Variants in PTPRD observed in about 807,000 individuals in gnomAD.
PTPRD encodes the protein protein tyrosine phosphatase receptor type D, also known as receptor-type tyrosine-protein phosphatase delta.
PTPRD carries 34 observed loss-of-function variants against 214.5 expected under a neutral mutation model. The observed-to-expected ratio is 0.16, with a 90% confidence interval of 0.12 to 0.21. The LOEUF is 0.21. PTPRD is among the 10% of genes least tolerant of loss of function. PTPRD has a pLI of 1.00. For missense variants in PTPRD, 2,545 were observed against 2,398.7 expected (o/e 1.06, Z -1.27); for synonymous variants, 1,128 against 845.7 (o/e 1.33, Z -5.79).
chr9:10,216,219 AC>A (rs1305729362), intron 3 of PTPRD, among the ~76,000 whole-genome samples: 2 of 151,622 alleles, frequency 1.3e-5, no homozygotes, highest in Non-Finnish European at 2.9e-5. Flanking sequence ...GGTTTTTGGC[AC>A]CCCCTTAAGG....
chr9:9,852,893 G>T (rs1331818106), intron 5 of PTPRD, among the ~76,000 whole-genome samples: 1 of 152,086 alleles, frequency 6.6e-6, no homozygotes, highest in Non-Finnish European at 1.5e-5. Flanking sequence ...AGATCAAGTA[G>T]GGGCTCTTGA....
At chr9:9,952,655 A>G (rs1249867101) in intron 4 of PTPRD, among the ~76,000 whole-genome samples, 1 of 152,084 alleles carries the variant, frequency 6.6e-6, no homozygotes, top group Admixed American at 6.5e-5. Flanking sequence ...TCCCTTCCCT[A>G]AAGAGTCCTT....
chr9:9,785,381 T>G (rs2098914813), intron 5 of PTPRD, among the ~76,000 whole-genome samples: 2 of 152,018 alleles, frequency 1.3e-5, no homozygotes, highest in Non-Finnish European at 2.9e-5. Context: ...ACCTAGTACA[T>G]GCTACTTTCT....
rs149204356 is a variant in PTPRD, at chr9:8,667,287, C to T, written c.65-30443G>A. Among the ~76,000 whole-genome samples, 1,330 of 152,192 alleles carry T rather than the reference C, an allele frequency of 8.7e-3. 25 individuals are homozygous for T. The highest frequency in any genetic ancestry group is 0.031 in the African/African-American group (1,272 of 41,524). On this transcript the variant is annotated intron_variant, in intron 12 of 45. Transcript: ENST00000381196. Reference sequence around the variant, plus strand: ...ACGGGACGCAGAAGTTGCAGTGAGCCGAGATCATGCCATTGCACTCCAGCC... The same window carrying T: ...ACGGGACGCAGAAGTTGCAGTGAGCTGAGATCATGCCATTGCACTCCAGCC...
chr9:9,505,970 T>A (rs753380038), intron 8 of PTPRD, among the ~76,000 whole-genome samples: 1 of 151,346 alleles, frequency 6.6e-6, no homozygotes, highest in Non-Finnish European at 1.5e-5. Context: ...AAAAAATAAT[T>A]TGAGAGTAGA....
At chr9:10,167,984 G>T (rs931311192) in intron 3 of PTPRD, among the ~76,000 whole-genome samples, 2 of 152,212 alleles carry the variant, frequency 1.3e-5, no homozygotes, top group Non-Finnish European at 2.9e-5. Flanking sequence ...TATGGACAGA[G>T]CTCATTGTAC....
At chr9:9,514,358 T>C (rs1429967603) in intron 8 of PTPRD, among the ~76,000 whole-genome samples, 2 of 151,970 alleles carry the variant, frequency 1.3e-5, no homozygotes, top group African/African-American at 2.4e-5. Context: ...ATCTGGATAG[T>C]TATAGTGGTC....
chr9:9,942,240 T>TA (rs948161303), intron 4 of PTPRD, among the ~76,000 whole-genome samples: 13 of 152,110 alleles, frequency 8.5e-5, no homozygotes, highest in African/African-American at 2.4e-4. Context: ...CCACCTCCTT[T>TA]AAAAAAATTC....
chr9:8,500,332 G>A (rs141344840), intron 24 of PTPRD, among the ~76,000 whole-genome samples: 2 of 151,600 alleles, frequency 1.3e-5, no homozygotes, highest in East Asian at 3.9e-4. Context: ...AAAATTCAAT[G>A]TTGAGCATCA....
chr9:9,513,038 C>T lies in PTPRD; in HGVS notation c.-237+61694G>A, dbSNP rs570276419. Among the ~76,000 whole-genome samples, 11 of 151,950 alleles carry T rather than the reference C, an allele frequency of 7.2e-5. No individual in the cohort carries two copies. The East Asian group carries it at 1.6e-3, about 21-fold the overall frequency. On this transcript the variant is annotated intron_variant, in intron 8 of 45. Coordinates refer to ENST00000381196, the MANE Select transcript of PTPRD (RefSeq NM_002839.4). ...GATCTAGATGTGTTACTGGTTAACA[C>T]ATCTACTACTGGCCTGTAATTAGTG...
chr9:9,977,225 A>C (rs916333077), intron 4 of PTPRD, among the ~76,000 whole-genome samples: 5 of 152,184 alleles, frequency 3.3e-5, no homozygotes, highest in African/African-American at 1.2e-4. Flanking sequence ...GTACTATAAC[A>C]CACTGGGAGG....
intron 8 of PTPRD, among the ~76,000 whole-genome samples, chr9:9,558,612 G>A (rs538019833): frequency 7.9e-5 from 12 of 152,160 alleles, no homozygotes; most frequent in Non-Finnish European, 1.3e-4. Flanking sequence ...ATACATAAGC[G>A]TTGATAAACT....
At chr9:8,929,090 T>A (rs2098926046) in intron 11 of PTPRD, among the ~76,000 whole-genome samples, 1 of 152,134 alleles carries the variant, frequency 6.6e-6, no homozygotes, top group Non-Finnish European at 1.5e-5. Context: ...AATTTTGGGC[T>A]GAGACGATGG....
intron 9 of PTPRD, among the ~76,000 whole-genome samples, chr9:9,328,676 C>G (rs568061219): frequency 9.5e-6 from 1 of 105,468 alleles, no homozygotes; most frequent in Non-Finnish European, 1.8e-5. Context: ...CTTGCTCTGT[C>G]GCCCAGGCTG....
intron 2 of PTPRD, among the ~76,000 whole-genome samples, chr9:10,597,487 C>A (rs929483027): frequency 6.6e-6 from 1 of 151,720 alleles, no homozygotes; most frequent in Non-Finnish European, 1.5e-5. Context: ...ATTGGAATAT[C>A]AAATTAGTAG....
At chr9:10,507,378 G>C (rs754432371) in intron 2 of PTPRD, among the ~76,000 whole-genome samples, 1 of 152,202 alleles carries the variant, frequency 6.6e-6, no homozygotes, top group Non-Finnish European at 1.5e-5. Context: ...ATTGCCCAAG[G>C]TAATTTATAG....
intron 3 of PTPRD, among the ~76,000 whole-genome samples, chr9:10,191,401 T>G (rs1452327862): frequency 1.3e-5 from 2 of 152,060 alleles, no homozygotes; most frequent in African/African-American, 4.8e-5. Context: ...ACTAATAATA[T>G]AGAAATTAAA....
intron 5 of PTPRD, among the ~76,000 whole-genome samples, chr9:9,881,950 C>A (rs1441237787): frequency 6.6e-6 from 1 of 152,104 alleles, no homozygotes; most frequent in Non-Finnish European, 1.5e-5. Flanking sequence ...AGGCAACACC[C>A]TGGGCCTGTA....
chr9:8,778,151 A>G (rs1599496555), intron 11 of PTPRD, among the ~76,000 whole-genome samples: 2 of 152,310 alleles, frequency 1.3e-5, no homozygotes, highest in African/African-American at 4.8e-5. Context: ...GTTTTATGTC[A>G]TATATATGTA....
Sources: allele counts gnomAD v4.1 joint callset (sites outside exome capture counted in the v4.1 genomes callset), GRCh38; gene constraint gnomAD v4.1.1; transcripts MANE v1.5; gene names NCBI Gene and HGNC (gene_info 2026-07-23, HGNC 2026-07-21).